STK24: variants seen among roughly 807,000 people sequenced by gnomAD.
STK24 encodes the protein serine/threonine-protein kinase 24.
In STK24, 21 loss-of-function variants were observed where a neutral mutation model predicts 55.6. The observed-to-expected ratio is 0.38, with a 90% CI of 0.27 to 0.54. The LOEUF is 0.54. Ranked by LOEUF, STK24 falls within the 20% of genes least tolerant of loss-of-function variation. The pLI, the probability that STK24 is intolerant of heterozygous loss-of-function variation, is 0.79. For missense variants in STK24, 383 were observed against 538.4 expected, an observed-to-expected ratio of 0.71 and a Z score of 2.86; for synonymous variants, 200 against 215.2, an observed-to-expected ratio of 0.93 and a Z score of 0.62.
Position 98,454,561 on chromosome 13 carries a change from T to A in STK24, c.1260-1352A>T, listed in dbSNP as rs372486226. On this transcript the variant is annotated intron_variant, in intron 10 of 10. Coordinates refer to ENST00000539966, the MANE Select transcript of STK24 (RefSeq NM_001032296.4). ...CTATCAAGAAATACAAATGACTAAA[T>A]CACGGGATGAGTTGATGTCACACAA... 3 of 152,286 alleles carry A rather than the reference T, an allele frequency of 2.0e-5. No homozygotes were observed. The East Asian group carries it at 5.8e-4, about 29-fold the overall frequency. The allele number at this position is 152,286 out of a possible 1,614,324, so 9.4% of individuals were successfully genotyped here.
intron 2 of STK24, among the ~76,000 whole-genome samples, chr13:98,496,453 A>C (rs1895255270): frequency 6.6e-6 from 1 of 152,202 alleles, no homozygotes; most frequent in Admixed American, 6.5e-5. Context: ...CCCCAGCGTC[A>C]CTGGGCCCCG....
At chr13:98,524,926 C>T (rs1490726723) in intron 1 of STK24, among the ~76,000 whole-genome samples, 1 of 152,262 alleles carries the variant, frequency 6.6e-6, no homozygotes, top group African/African-American at 2.4e-5. Context: ...AGCACGGCGA[C>T]TTTCAGAACC....
At chr13:98,506,212 C>G (rs1895674475) in intron 2 of STK24, among the ~76,000 whole-genome samples, 1 of 152,222 alleles carries the variant, frequency 6.6e-6, no homozygotes, top group South Asian at 2.1e-4. Context: ...AGTCAATTCT[C>G]TAGAGCCCGA....
At chr13:98,543,123 A>C (rs1896934107) in intron 1 of STK24, 27 of 599,032 alleles carry the variant, frequency 4.5e-5, no homozygotes, top group Non-Finnish European at 5.7e-5. Flanking sequence ...CAGTCATGCC[A>C]TCCTCCAAAG....
chr13:98,536,723 G>A (rs185520684), intron 1 of STK24, among the ~76,000 whole-genome samples: 6 of 152,088 alleles, frequency 3.9e-5, no homozygotes, highest in Non-Finnish European at 8.8e-5. Context: ...TCCCCTGCAG[G>A]AGCCCAGTGC....
chr13:98,505,569 T>A (rs998887705), intron 2 of STK24, among the ~76,000 whole-genome samples: 1 of 152,234 alleles, frequency 6.6e-6, no homozygotes, highest in African/African-American at 2.4e-5. Flanking sequence ...TTGAAGCATA[T>A]AATCGAAAGC....
chr13:98,551,155 G>A lies in STK24; in HGVS notation c.42+25590C>T, dbSNP rs1198910063. Among the ~76,000 whole-genome samples, 18 of 151,956 alleles carry A rather than the reference G, an allele frequency of 1.2e-4. No homozygotes were observed. In the South Asian group the frequency reaches 1.9e-3, roughly 16 times the overall value. On this transcript the variant is annotated intron_variant, in intron 1 of 10. Transcript: ENST00000539966. ...CAAAAAATTAGCCGGGCATGGTGGC[G>A]GGCGCCTGTAGTCCCAGCTACTCGG...
intron 2 of STK24, among the ~76,000 whole-genome samples, chr13:98,518,478 C>T (rs1896147229): frequency 6.6e-6 from 1 of 152,052 alleles, no homozygotes; most frequent in Non-Finnish European, 1.5e-5. Context: ...TTTTCCCCAC[C>T]AATTCTTATG....
At chr13:98,504,520 T>C (rs1171586140) in intron 2 of STK24, among the ~76,000 whole-genome samples, 3 of 152,214 alleles carry the variant, frequency 2.0e-5, no homozygotes, top group Non-Finnish European at 4.4e-5. Context: ...CGCTGACAGT[T>C]TCTCCTTTAA....
At chr13:98,459,253 G>A (rs1339008934) in intron 9 of STK24, among the ~76,000 whole-genome samples, 2 of 152,248 alleles carry the variant, frequency 1.3e-5, no homozygotes, top group African/African-American at 4.8e-5. Context: ...GAAGAACACA[G>A]GTGCCCAGAA....
chr13:98,534,707 C>A (rs183541250), intron 1 of STK24, among the ~76,000 whole-genome samples: 1 of 152,294 alleles, frequency 6.6e-6, no homozygotes, highest in African/African-American at 2.4e-5. Flanking sequence ...TCAACCAGTT[C>A]TGGGATCCCA....
intron 9 of STK24, among the ~76,000 whole-genome samples, chr13:98,457,978 C>CA (rs1893538103): frequency 6.6e-6 from 1 of 152,228 alleles, no homozygotes; most frequent in South Asian, 2.1e-4. Context: ...AAAGCAATTT[C>CA]AAAGCCTATC....
intron 1 of STK24, among the ~76,000 whole-genome samples, chr13:98,535,396 T>C (rs1484774636): frequency 8.3e-5 from 5 of 60,090 alleles, no homozygotes; most frequent in African/African-American, 4.2e-4. Context: ...TATATGTGTG[T>C]ATACACACAC....
chr13:98,469,205 G>T (rs542448309), intron 5 of STK24, among the ~76,000 whole-genome samples: 1 of 152,130 alleles, frequency 6.6e-6, no homozygotes, highest in Non-Finnish European at 1.5e-5. Flanking sequence ...CGCAACCCAC[G>T]TATCAGTCTC....
At chr13:98,505,473 G>A (rs563368479) in intron 2 of STK24, among the ~76,000 whole-genome samples, 1 of 152,366 alleles carries the variant, frequency 6.6e-6, no homozygotes, top group East Asian at 1.9e-4. Context: ...ATTAGCTTCT[G>A]TAAGCCCTGG....
At chr13:98,535,973 G>A (rs1896721047) in intron 1 of STK24, among the ~76,000 whole-genome samples, 1 of 152,176 alleles carries the variant, frequency 6.6e-6, no homozygotes, top group South Asian at 2.1e-4. Context: ...GACTATTCTA[G>A]AAGCCAGACC....
chr13:98,501,606 G>T (rs1170197761), intron 2 of STK24, among the ~76,000 whole-genome samples: 1 of 152,152 alleles, frequency 6.6e-6, no homozygotes, highest in East Asian at 1.9e-4. Context: ...TAGGTTATCT[G>T]TATCAAAACA....
chr13:98,500,162 C>CT (rs1432159473), intron 2 of STK24, among the ~76,000 whole-genome samples: 1 of 152,198 alleles, frequency 6.6e-6, no homozygotes, highest in Admixed American at 6.5e-5. Context: ...CAGGAATTGC[C>CT]TTTTATTTAA....
intron 2 of STK24, among the ~76,000 whole-genome samples, chr13:98,491,627 A>G (rs1895039436): frequency 6.6e-6 from 1 of 152,046 alleles, no homozygotes; most frequent in African/African-American, 2.4e-5. Context: ...ACCAAAAGCT[A>G]TACAATCCAG....
Sources: allele counts gnomAD v4.1 joint callset (sites outside exome capture counted in the v4.1 genomes callset), GRCh38; gene constraint gnomAD v4.1.1; transcripts MANE v1.5; gene names NCBI Gene and HGNC (gene_info 2026-07-23, HGNC 2026-07-21).